The following AGMO variants were observed in gnomAD, a reference collection of about 807,000 sequenced individuals.
AGMO encodes the protein glyceryl-ether monooxygenase.
In AGMO, 75 loss-of-function variants were observed where a neutral mutation model predicts 60.2. That is an observed-to-expected ratio of 1.25 (90% CI 1.03 to 1.51). AGMO has a LOEUF of 1.51. Ranked by LOEUF, AGMO falls within the 40% of genes most tolerant of loss-of-function variation. The pLI, the probability that AGMO is intolerant of heterozygous loss-of-function variation, is 0.00. For synonymous variants in AGMO, 261 were observed against 177.1 expected (o/e 1.47, Z -3.76); for missense variants, 763 against 525.5 (o/e 1.45, Z -4.42).
rs138275008 is a variant in AGMO at position 15,423,181 on chromosome 7, G to C, written c.514-4528C>G. 2.2e-4 allele frequency among the ~76,000 whole-genome samples: 33 copies of C among 151,962 alleles called. No individual in the cohort carries two copies. The East Asian group carries it at 5.8e-3, about 27-fold the overall frequency. On this transcript the variant is annotated intron_variant, in intron 4 of 12. Coordinates refer to ENST00000342526, the MANE Select transcript of AGMO (RefSeq NM_001004320.2). ...TTTCATTTATTTTTACATTACTTTA[G>C]AGAAAAAGCAATTTAAAAAAATGTT...
At chr7:15,480,840 G>A (rs968931027) in intron 3 of AGMO, among the ~76,000 whole-genome samples, 1 of 151,432 alleles carries the variant, frequency 6.6e-6, no homozygotes, top group Non-Finnish European at 1.5e-5. Flanking sequence ...CTAAGATTAA[G>A]GAAAGTTGGA....
chr7:15,174,470 T>G, the AGMO span, among the ~76,000 whole-genome samples: 1 of 152,138 alleles, frequency 6.6e-6, no homozygotes, highest in African/African-American at 2.4e-5. Context: ...CTTGATTTTA[T>G]CACATTGGTA....
the AGMO span, among the ~76,000 whole-genome samples, chr7:15,153,845 G>A: frequency 3.3e-5 from 5 of 151,934 alleles, no homozygotes; most frequent in Admixed American, 1.3e-4. Context: ...CCATATGAAT[G>A]CTACATTTTT....
intron 10 of AGMO, among the ~76,000 whole-genome samples, chr7:15,376,776 C>A (rs1158089922): frequency 6.6e-6 from 1 of 152,000 alleles, no homozygotes; most frequent in Non-Finnish European, 1.5e-5. Context: ...TGGACACTGG[C>A]AGCTGAGGAA....
At chr7:15,313,777 A>C (rs955641667) in intron 12 of AGMO, among the ~76,000 whole-genome samples, 1 of 151,936 alleles carries the variant, frequency 6.6e-6, no homozygotes, top group African/African-American at 2.4e-5. Context: ...GATAAAGTTT[A>C]ATTTATAGAC....
intron 12 of AGMO, among the ~76,000 whole-genome samples, chr7:15,294,436 A>G (rs1169748728): frequency 6.6e-6 from 1 of 152,012 alleles, no homozygotes; most frequent in African/African-American, 2.4e-5. Context: ...GAACAACATA[A>G]ATGTAGAATA....
intron 3 of AGMO, among the ~76,000 whole-genome samples, chr7:15,518,454 A>T (rs1783884263): frequency 1.3e-5 from 2 of 152,178 alleles, no homozygotes; most frequent in Admixed American, 1.3e-4. Flanking sequence ...GCCCTCTGGG[A>T]CAGAGCTTCC....
At chr7:15,249,082 A>G (rs1231266915) in intron 12 of AGMO, among the ~76,000 whole-genome samples, 1 of 152,190 alleles carries the variant, frequency 6.6e-6, no homozygotes, top group Non-Finnish European at 1.5e-5. Context: ...AAATAGGATG[A>G]GCATTAGGTG....
intron 5 of AGMO, among the ~76,000 whole-genome samples, chr7:15,415,403 C>T (rs985702695): frequency 4.6e-5 from 7 of 151,792 alleles, no homozygotes; most frequent in African/African-American, 1.7e-4. Flanking sequence ...ATTAGCTGGG[C>T]ATGGTGGTGC....
the AGMO span, among the ~76,000 whole-genome samples, chr7:15,192,841 G>C: frequency 1.3e-5 from 2 of 152,140 alleles, no homozygotes; most frequent in African/African-American, 4.8e-5. Flanking sequence ...CCTGTCGTAA[G>C]TCCCATAAGG....
intron 3 of AGMO, among the ~76,000 whole-genome samples, chr7:15,509,375 A>AG (rs1159440412): frequency 3.3e-5 from 5 of 151,516 alleles, no homozygotes; most frequent in South Asian, 2.1e-4. Flanking sequence ...CACATGCAAA[A>AG]AAAAAAATAA....
chr7:15,372,150 T>C (rs923543384), intron 10 of AGMO, among the ~76,000 whole-genome samples: 1 of 101,772 alleles, frequency 9.8e-6, no homozygotes, highest in Non-Finnish European at 2.0e-5. Context: ...CAGTTGAACG[T>C]CTCTAAAGTC....
At chr7:15,149,397 A>C in the AGMO span, among the ~76,000 whole-genome samples, 1 of 152,158 alleles carries the variant, frequency 6.6e-6, no homozygotes, top group Admixed American at 6.6e-5. Flanking sequence ...GCCAAGGCCT[A>C]CATCCACAAA....
the AGMO span, among the ~76,000 whole-genome samples, chr7:15,137,523 T>C: frequency 1.3e-5 from 2 of 152,208 alleles, no homozygotes; most frequent in Admixed American, 6.5e-5. Context: ...GAAGGAGGGC[T>C]TGATAGGAAT....
intron 12 of AGMO, among the ~76,000 whole-genome samples, chr7:15,329,227 A>G (rs374651857): frequency 6.6e-6 from 1 of 152,310 alleles, no homozygotes; most frequent in African/African-American, 2.4e-5. Flanking sequence ...TATTTGATAT[A>G]CTTTAATTGT....
At chr7:15,213,153 T>C (rs886279218) in intron 12 of AGMO, among the ~76,000 whole-genome samples, 2 of 151,798 alleles carry the variant, frequency 1.3e-5, no homozygotes, top group African/African-American at 4.8e-5. Flanking sequence ...AAATAAAAAT[T>C]CTATTTTTTT....
the AGMO span, among the ~76,000 whole-genome samples, chr7:15,135,515 A>G: frequency 6.6e-6 from 1 of 152,200 alleles, no homozygotes; most frequent in Non-Finnish European, 1.5e-5. Context: ...ATGAATGAAA[A>G]GGGTTGTTTT....
chr7:15,484,499 C>G (rs1782860373), intron 3 of AGMO, among the ~76,000 whole-genome samples: 1 of 152,152 alleles, frequency 6.6e-6, no homozygotes, highest in African/African-American at 2.4e-5. Context: ...GGTGTGTTCA[C>G]ATTGTAAAAT....
Position 15,365,516 on chromosome 7 carries a change from C to A in AGMO, c.1261G>T (p.Glu421Ter), listed in dbSNP as rs1562460916. The change falls in exon 12 of 13, where the codon GAG becomes TAG. Residue 421 changes from glutamate (E) to a stop codon, truncating the protein, a stop_gained and splice_region_variant. Coordinates refer to ENST00000342526, the MANE Select transcript of AGMO (RefSeq NM_001004320.2). LOFTEE classifies it high-confidence loss of function. ...GGCTACCTAAACAAATGTCTTACCT[C>A]AAAAGCAGATGACAATGAAGGGACA... ...PLVPSLSSAF[E>*]IVFSICIAFW... 1 of 1,608,048 alleles carries A rather than the reference C, an allele frequency of 6.2e-7. No homozygotes were observed. The highest frequency in any genetic ancestry group is 8.5e-7 in the Non-Finnish European group (1 of 1,175,448).
Sources: gnomAD v4.1 joint callset for allele counts (sites outside exome capture counted in the v4.1 genomes callset) on GRCh38, gnomAD v4.1.1 for gene constraint, MANE v1.5 for transcripts, NCBI Gene and HGNC (gene_info 2026-07-23, HGNC 2026-07-21) for gene names.